SLC49A4: variants seen among roughly 807,000 people sequenced by gnomAD.
SLC49A4 encodes the protein disrupted in renal cancer protein 2.
Under a neutral mutation model 50.6 loss-of-function variants are expected in SLC49A4, and 36 were observed. The ratio of observed to expected loss-of-function variants is 0.71; its 90% confidence interval spans 0.55 to 0.94. SLC49A4 has a LOEUF of 0.94. Among genes scored for constraint, SLC49A4 ranks in the 40% least tolerant of loss-of-function variants. The pLI, the probability that SLC49A4 is intolerant of heterozygous loss-of-function variation, is 0.00. For synonymous variants in SLC49A4, 248 were observed against 241.2 expected, an observed-to-expected ratio of 1.03 and a Z score of -0.26; for missense variants, 503 against 605.7, an observed-to-expected ratio of 0.83 and a Z score of 1.78.
rs371043821 is a variant in SLC49A4 at position 122,797,263 on chromosome 3, G to A, written c.343+1728G>A. 1.9e-3 allele frequency among the ~76,000 whole-genome samples: 286 copies of A among 152,342 alleles called. 15 individuals carry two copies. In the South Asian group the frequency reaches 0.058, roughly 31 times the overall value. Reference sequence around the variant, plus strand: ...AGTGTTTAGTTCTGAGCTTGATTCTGAGAAGGCCATTTGACAAACTGCAGA... The same window carrying A: ...AGTGTTTAGTTCTGAGCTTGATTCTAAGAAGGCCATTTGACAAACTGCAGA... On this transcript the variant is annotated intron_variant, in intron 1 of 8. Transcript: ENST00000261038.
intron 7 of SLC49A4, among the ~76,000 whole-genome samples, chr3:122,869,314 C>T (rs936100341): frequency 1.3e-5 from 2 of 152,078 alleles, no homozygotes; most frequent in African/African-American, 4.8e-5. Flanking sequence ...AGATAGATAA[C>T]GTGTATGTGC....
intron 1 of SLC49A4, among the ~76,000 whole-genome samples, chr3:122,800,477 G>A (rs1936114729): frequency 6.6e-6 from 1 of 152,218 alleles, no homozygotes; most frequent in Admixed American, 6.5e-5. Flanking sequence ...GGGAATGTGG[G>A]TACTAAGGAG....
chr3:122,819,157 A>T (rs148914442), intron 2 of SLC49A4, among the ~76,000 whole-genome samples: 1 of 149,994 alleles, frequency 6.7e-6, no homozygotes, highest in African/African-American at 2.5e-5. Context: ...AAGTGGGAGG[A>T]TCACTTGAGC....
chr3:122,872,767 T>C (rs980745639), intron 8 of SLC49A4, among the ~76,000 whole-genome samples, 170 bp downstream of exon 8: 1 of 152,152 alleles, frequency 6.6e-6, no homozygotes, highest in Non-Finnish European at 1.5e-5. Context: ...TAAAATGCAT[T>C]CTAGCTCAAG....
At chr3:122,812,754 A>C (rs1301030204) in intron 2 of SLC49A4, among the ~76,000 whole-genome samples, 1 of 152,208 alleles carries the variant, frequency 6.6e-6, no homozygotes, top group Non-Finnish European at 1.5e-5. Context: ...CACACAATAC[A>C]TTTAATGTCT....
At chr3:122,825,767 G>A (rs1444481682) in intron 2 of SLC49A4, among the ~76,000 whole-genome samples, 7 of 152,014 alleles carry the variant, frequency 4.6e-5, no homozygotes, top group Non-Finnish European at 1.0e-4. Flanking sequence ...GGGCAAGAGA[G>A]GTCGACACAT....
intron 7 of SLC49A4, among the ~76,000 whole-genome samples, chr3:122,864,835 G>A (rs1937095447): frequency 6.6e-6 from 1 of 152,144 alleles, no homozygotes; most frequent in Non-Finnish European, 1.5e-5. Context: ...GCAACATAGT[G>A]GGGCCATGTC....
chr3:122,823,896 G>C (rs1184422120), intron 2 of SLC49A4, among the ~76,000 whole-genome samples: 1 of 152,170 alleles, frequency 6.6e-6, no homozygotes, highest in Non-Finnish European at 1.5e-5. Flanking sequence ...TAATATTACA[G>C]ATTACTGTAA....
intron 1 of SLC49A4, among the ~76,000 whole-genome samples, chr3:122,806,436 G>A (rs1213610072): frequency 1.3e-5 from 2 of 152,036 alleles, no homozygotes; most frequent in Non-Finnish European, 2.9e-5. Flanking sequence ...GGAGTGAAGT[G>A]GTGTGATCTC....
intron 2 of SLC49A4, among the ~76,000 whole-genome samples, chr3:122,815,145 A>G (rs1372198624): frequency 1.3e-5 from 2 of 151,172 alleles, no homozygotes; most frequent in African/African-American, 4.9e-5. Flanking sequence ...GCTGGAGTGC[A>G]GTGGCATGAT....
At chr3:122,870,834 T>A (rs1005788102) in intron 7 of SLC49A4, among the ~76,000 whole-genome samples, 6 of 131,368 alleles carry the variant, frequency 4.6e-5, no homozygotes, top group African/African-American at 1.3e-4. Flanking sequence ...ATAATAATAA[T>A]AATAATAATT....
chr3:122,811,018 G>T (rs998186844), intron 2 of SLC49A4, among the ~76,000 whole-genome samples: 1 of 152,100 alleles, frequency 6.6e-6, no homozygotes, highest in Non-Finnish European at 1.5e-5. Flanking sequence ...GGGTGGAGAG[G>T]ACCTTCCAAT....
At chr3:122,877,635 T>G (rs1937282233) in intron 8 of SLC49A4, among the ~76,000 whole-genome samples, 1 of 152,128 alleles carries the variant, frequency 6.6e-6, no homozygotes. Flanking sequence ...ATTACCATAC[T>G]TTTTTTTATC....
At chr3:122,811,722 A>G (rs9830096) in intron 2 of SLC49A4, among the ~76,000 whole-genome samples, 103,529 of 151,996 alleles carry the variant, frequency 0.68, 35,954 homozygotes, top group Non-Finnish European at 0.77. Context: ...ATATTGCACC[A>G]TGAAAAGGAA....
chr3:122,841,203 C>A (rs1936764815), intron 4 of SLC49A4, among the ~76,000 whole-genome samples: 1 of 152,154 alleles, frequency 6.6e-6, no homozygotes, highest in Non-Finnish European at 1.5e-5. Context: ...GCTAAAATGT[C>A]TTTTAATATT....
chr3:122,863,191 G>C (rs1328895967), intron 7 of SLC49A4, among the ~76,000 whole-genome samples: 2 of 152,204 alleles, frequency 1.3e-5, no homozygotes, highest in African/African-American at 4.8e-5. Flanking sequence ...TTACGGACTA[G>C]ATTTGTCCAC....
intron 2 of SLC49A4, among the ~76,000 whole-genome samples, chr3:122,825,171 C>A (rs1265765485): frequency 6.6e-6 from 1 of 152,146 alleles, no homozygotes; most frequent in African/African-American, 2.4e-5. Flanking sequence ...GAGTCTAATA[C>A]CTCATTAAAA....
chr3:122,834,914 T>C (rs1436910637), intron 4 of SLC49A4, among the ~76,000 whole-genome samples: 1 of 152,134 alleles, frequency 6.6e-6, no homozygotes, highest in East Asian at 1.9e-4. Context: ...TCAAGACTAC[T>C]ATGAACACCT....
chr3:122,854,192 A>C (rs1452375337), intron 5 of SLC49A4, among the ~76,000 whole-genome samples: 1 of 152,206 alleles, frequency 6.6e-6, no homozygotes, highest in East Asian at 1.9e-4. Flanking sequence ...CTCTTGCCTC[A>C]AATGCCAATA....
Sources: allele counts gnomAD v4.1 joint callset (sites outside exome capture counted in the v4.1 genomes callset), GRCh38; gene constraint gnomAD v4.1.1; transcripts MANE v1.5; gene names NCBI Gene and HGNC (gene_info 2026-07-23, HGNC 2026-07-21).